DDR2: variants seen among roughly 807,000 people sequenced by gnomAD.
DDR2 encodes the protein discoidin domain-containing receptor 2.
DDR2 carries 27 observed loss-of-function variants against 94.9 expected under a neutral mutation model. The ratio of observed to expected loss-of-function variants is 0.28; its 90% CI spans 0.21 to 0.39. The LOEUF is 0.39. Ranked by LOEUF, DDR2 falls within the 10% of genes least tolerant of loss-of-function variation. DDR2 has a pLI of 1.00. For synonymous variants in DDR2, 382 were observed against 377.2 expected (o/e 1.01, Z -0.15); for missense variants, 783 against 1,076.0 (o/e 0.73, Z 3.81).
intron 3 of DDR2, among the ~76,000 whole-genome samples, chr1:162,729,461 C>G (rs1661911401): frequency 6.7e-6 from 1 of 149,966 alleles, no homozygotes; most frequent in Non-Finnish European, 1.5e-5. Flanking sequence ...AGTTAAGACA[C>G]TAAAATCAGT....
chr1:162,772,438 G>A (rs911372411), intron 13 of DDR2, 191 bp downstream of exon 13: 5 of 652,750 alleles, frequency 7.7e-6, no homozygotes, highest in Non-Finnish European at 1.3e-5. Context: ...GGAGTTCCTG[G>A]GACTTCTGAT....
intron 3 of DDR2, among the ~76,000 whole-genome samples, chr1:162,731,222 T>C (rs1662033385): frequency 6.6e-6 from 1 of 152,210 alleles, no homozygotes; most frequent in Non-Finnish European, 1.5e-5. Flanking sequence ...GTGATTCATG[T>C]TAACTAATCA....
At chr1:162,757,484 TG>T (rs1663516967) in intron 7 of DDR2, among the ~76,000 whole-genome samples, 1 of 152,188 alleles carries the variant, frequency 6.6e-6, no homozygotes. Flanking sequence ...CATATTTATG[TG>T]GCAAAGTAGT....
intron 17 of DDR2, among the ~76,000 whole-genome samples, chr1:162,779,328 G>C (rs571101646): frequency 3.9e-5 from 6 of 152,072 alleles, no homozygotes; most frequent in Non-Finnish European, 7.4e-5. Flanking sequence ...GGGTGGCTTA[G>C]ATTTAAAATT....
intron 14 of DDR2, among the ~76,000 whole-genome samples, chr1:162,773,916 A>G (rs1384657018): frequency 1.3e-5 from 2 of 152,196 alleles, no homozygotes; most frequent in South Asian, 2.1e-4. Context: ...ATACACAGAC[A>G]TACTCCTGCA....
chr1:162,735,201 A>T (rs1323312243), intron 3 of DDR2, among the ~76,000 whole-genome samples: 1 of 152,200 alleles, frequency 6.6e-6, no homozygotes, highest in Non-Finnish European at 1.5e-5. Context: ...AGGTTGACTC[A>T]GGGAGAGCCT....
chr1:162,708,003 T>G (rs778729774), intron 2 of DDR2, among the ~76,000 whole-genome samples: 10 of 152,220 alleles, frequency 6.6e-5, no homozygotes, highest in Admixed American at 1.3e-4. Flanking sequence ...TCTGAAGTTA[T>G]CACTACAGGA....
intron 3 of DDR2, among the ~76,000 whole-genome samples, chr1:162,747,308 G>A (rs982181652): frequency 2.0e-5 from 3 of 152,170 alleles, no homozygotes; most frequent in Admixed American, 6.5e-5. Flanking sequence ...AGAATAAACA[G>A]TGTAGAGAAG....
intron 2 of DDR2, among the ~76,000 whole-genome samples, chr1:162,670,089 T>G (rs866674831): frequency 6.6e-6 from 1 of 152,198 alleles, no homozygotes; most frequent in South Asian, 2.1e-4. Flanking sequence ...TATAGATGAT[T>G]TGCTTTGTAA....
chr1:162,732,424 T>C (rs929408428), intron 3 of DDR2, among the ~76,000 whole-genome samples: 1 of 152,188 alleles, frequency 6.6e-6, no homozygotes, highest in East Asian at 1.9e-4. Context: ...CATGGTAGCC[T>C]AGGGTTGGAG....
At chr1:162,662,851 G>A (rs911157333) in intron 2 of DDR2, among the ~76,000 whole-genome samples, 6 of 152,016 alleles carry the variant, frequency 3.9e-5, no homozygotes, top group Non-Finnish European at 7.4e-5. Context: ...GTATGTGGAG[G>A]TGTCCTAGTC....
chr1:162,691,092 C>G (rs986675902), intron 2 of DDR2, among the ~76,000 whole-genome samples: 1 of 152,314 alleles, frequency 6.6e-6, no homozygotes, highest in African/African-American at 2.4e-5. Flanking sequence ...TTGGAGGGAA[C>G]AACAAAGGAC....
chr1:162,651,638 A>G (rs969561944), intron 1 of DDR2, among the ~76,000 whole-genome samples: 2 of 152,342 alleles, frequency 1.3e-5, no homozygotes, highest in African/African-American at 2.4e-5. Context: ...ACTATAGTAC[A>G]TATTACATAC....
intron 2 of DDR2, among the ~76,000 whole-genome samples, chr1:162,711,389 C>A (rs758776251): frequency 1.3e-5 from 2 of 152,138 alleles, no homozygotes. Flanking sequence ...GCATTGAATC[C>A]TTTTGCGAAG....
rs1474188455 is a variant in DDR2, at chr1:162,787,123, T to C, written c.*6877T>C. ...TTTTCTGAGAATATTTCTCAGAATA[T>C]GTGAGTTTTCTGAGCACATTTTTCA... is the stretch of plus-strand genomic sequence containing the variant. On this transcript the variant is annotated 3_prime_UTR_variant, in exon 18 of 18. Coordinates refer to ENST00000367921, the MANE Select transcript of DDR2 (RefSeq NM_006182.4). The C allele has an allele frequency of 1.3e-5, 2 of 152,212 alleles. No homozygotes were observed. Among genetic ancestry groups the C allele is most frequent in the Non-Finnish European group, 2.9e-5 (2 of 68,046 alleles). The allele number at this position is 152,212 out of a possible 1,614,324, so 9.4% of individuals were successfully genotyped here.
intron 3 of DDR2, among the ~76,000 whole-genome samples, chr1:162,726,094 G>A (rs1661650429): frequency 6.6e-6 from 1 of 152,172 alleles, no homozygotes; most frequent in Admixed American, 6.5e-5. Flanking sequence ...GCTGCCTTAA[G>A]GGCTGTTAGG....
intron 9 of DDR2, among the ~76,000 whole-genome samples, chr1:162,765,026 A>G (rs1663925396): frequency 1.3e-5 from 2 of 152,154 alleles, no homozygotes; most frequent in South Asian, 2.1e-4. Context: ...AAGTTGATTG[A>G]TTGTTTCATC....
Position 162,683,611 on chromosome 1 carries a change from G to T in DDR2, c.-28+28237G>T, listed in dbSNP as rs1659521597. 2.6e-5 allele frequency among the ~76,000 whole-genome samples: 4 copies of T among 152,086 alleles called. No individual in the cohort carries two copies. In the South Asian group the frequency reaches 8.3e-4, roughly 32 times the overall value. On this transcript the variant is annotated intron_variant, in intron 2 of 17. Coordinates refer to ENST00000367921, the MANE Select transcript of DDR2 (RefSeq NM_006182.4). ...AATCACTCAAAAATAATAAGTGTAA[G>T]TACATTTAAATATATTATATTTGTA...
intron 17 of DDR2, among the ~76,000 whole-genome samples, chr1:162,779,155 C>A (rs181568868): frequency 3.7e-4 from 56 of 152,270 alleles, no homozygotes; most frequent in African/African-American, 1.3e-3. Flanking sequence ...AGCAATGTTT[C>A]TAGACTTGGA....
Sources: gnomAD v4.1 joint callset for allele counts (sites outside exome capture counted in the v4.1 genomes callset) on GRCh38, gnomAD v4.1.1 for gene constraint, MANE v1.5 for transcripts, NCBI Gene and HGNC (gene_info 2026-07-23, HGNC 2026-07-21) for gene names.